ANKRD30BL: variants seen among roughly 807,000 people sequenced by gnomAD.
ANKRD30BL encodes putative ankyrin repeat domain-containing protein 30B-like.
In ANKRD30BL, 20 loss-of-function variants were observed where a neutral mutation model predicts 18.4. That is an observed-to-expected ratio of 1.09 (90% confidence interval 0.77 to 1.58). The LOEUF (loss-of-function observed/expected upper bound fraction) is 1.58, where lower values mean the gene tolerates loss of function less well. ANKRD30BL is among the 40% of genes most tolerant of loss of function. ANKRD30BL has a pLI of 0.00. For synonymous variants in ANKRD30BL, 72 were observed against 100.9 expected (o/e 0.71, Z 1.72); for missense variants, 224 against 268.6 (o/e 0.83, Z 1.16).
intron 1 of ANKRD30BL, among the ~76,000 whole-genome samples, chr2:132,187,401 G>A (rs1431318514): frequency 2.6e-5 from 4 of 151,762 alleles, no homozygotes; most frequent in Admixed American, 2.6e-4. Flanking sequence ...AGCCATGTTG[G>A]CCGGGCTTCC....
At chr2:132,202,182 C>T (rs1328865692) in intron 1 of ANKRD30BL, among the ~76,000 whole-genome samples, 1 of 151,556 alleles carries the variant, frequency 6.6e-6, no homozygotes, top group Non-Finnish European at 1.5e-5. Context: ...TGGGAGTATA[C>T]CTAATGCTAG....
chr2:132,256,330 G>A (rs910512460), intron 1 of ANKRD30BL, among the ~76,000 whole-genome samples: 4 of 142,604 alleles, frequency 2.8e-5, no homozygotes, highest in Non-Finnish European at 6.2e-5. Flanking sequence ...GTGGTGGGGC[G>A]GCGAACCGGA....
intron 1 of ANKRD30BL, among the ~76,000 whole-genome samples, chr2:132,171,632 T>C (rs1688282514): frequency 6.6e-6 from 1 of 152,252 alleles, no homozygotes; most frequent in South Asian, 2.1e-4. Context: ...ATAAGTTTAA[T>C]AAAGTTTAAA....
chr2:132,194,440 G>A (rs1391201860), intron 1 of ANKRD30BL, among the ~76,000 whole-genome samples: 1 of 152,236 alleles, frequency 6.6e-6, no homozygotes, highest in Non-Finnish European at 1.5e-5. Context: ...CACTTGTGCA[G>A]CAGTCATGTT....
At chr2:132,198,435 T>C (rs1679021649) in intron 1 of ANKRD30BL, among the ~76,000 whole-genome samples, 1 of 150,224 alleles carries the variant, frequency 6.7e-6, no homozygotes, top group Non-Finnish European at 1.5e-5. Flanking sequence ...ACCATTCTCC[T>C]GCCTCAGCTT....
At chr2:132,206,905 C>T (rs1289367238) in intron 1 of ANKRD30BL, among the ~76,000 whole-genome samples, 4 of 152,174 alleles carry the variant, frequency 2.6e-5, no homozygotes, top group East Asian at 3.9e-4. Context: ...ATTGTCATTG[C>T]TTGGCTGGAG....
rs1573821154 is a variant in ANKRD30BL, at chr2:132,181,887, A to G, written n.442-24741T>C. ...AACACTTTGGGAGGCCAAGGCAGGC[A>G]GACCACATGAGGTTGGGAGTTTGAG... On this transcript the variant is annotated intron_variant and non_coding_transcript_variant, in intron 1 of 4. Transcript: ENST00000470729. Among the ~76,000 whole-genome samples the G allele has an allele frequency of 6.6e-5, 10 of 152,256 alleles. No individual in the cohort carries two copies. The South Asian group carries it at 2.1e-3, about 32-fold the overall frequency.
chr2:132,188,374 T>C (rs1678751456), intron 1 of ANKRD30BL, among the ~76,000 whole-genome samples: 1 of 152,216 alleles, frequency 6.6e-6, no homozygotes, highest in South Asian at 2.1e-4. Context: ...CTCCATCAAT[T>C]TTCATTAGAA....
intron 1 of ANKRD30BL, among the ~76,000 whole-genome samples, chr2:132,211,578 C>T (rs1679349536): frequency 6.6e-6 from 1 of 151,918 alleles, no homozygotes; most frequent in South Asian, 2.1e-4. Flanking sequence ...CACATAACAA[C>T]TAGACAGACG....
At chr2:132,243,444 G>T (rs1680392082) in intron 1 of ANKRD30BL, among the ~76,000 whole-genome samples, 2 of 151,618 alleles carry the variant, frequency 1.3e-5, no homozygotes, top group South Asian at 2.1e-4. Context: ...TGTGATGTGT[G>T]TACTCAAGTG....
At chr2:132,216,104 AG>A (rs1427913811) in intron 1 of ANKRD30BL, among the ~76,000 whole-genome samples, 1 of 152,038 alleles carries the variant, frequency 6.6e-6, no homozygotes, top group African/African-American at 2.4e-5. Context: ...TTGATTGAGC[AG>A]TTTTGAAACA....
intron 1 of ANKRD30BL, among the ~76,000 whole-genome samples, chr2:132,234,740 C>G (rs1473612155): frequency 1.3e-5 from 2 of 152,048 alleles, no homozygotes; most frequent in East Asian, 3.8e-4. Context: ...GATTCACAGC[C>G]GAATTCTACC....
At chr2:132,229,051 G>T (rs1484761212) in intron 1 of ANKRD30BL, among the ~76,000 whole-genome samples, 1 of 151,918 alleles carries the variant, frequency 6.6e-6, no homozygotes, top group Non-Finnish European at 1.5e-5. Context: ...CTCCCTTTTT[G>T]TATAATCTCT....
chr2:132,254,240 T>C (rs1436580084), intron 1 of ANKRD30BL, among the ~76,000 whole-genome samples: 3 of 151,848 alleles, frequency 2.0e-5, no homozygotes, highest in Non-Finnish European at 2.9e-5. Context: ...GGTGGGGCCA[T>C]GCAACGAACA....
chr2:132,164,529 G>A (rs545380222), upstream of ANKRD30BL, among the ~76,000 whole-genome samples: 123 of 151,858 alleles, frequency 8.1e-4, no homozygotes, highest in Admixed American at 1.5e-3. Flanking sequence ...AGCCTCAGGT[G>A]ATCCGCCCAC....
chr2:132,237,106 C>T (rs2104789547), intron 1 of ANKRD30BL, among the ~76,000 whole-genome samples: 1 of 151,210 alleles, frequency 6.6e-6, no homozygotes, highest in East Asian at 2.0e-4. Context: ...AGGGGAACAT[C>T]ATACTCTGGG....
intron 1 of ANKRD30BL, among the ~76,000 whole-genome samples, chr2:132,185,331 C>T (rs184781697): frequency 0.011 from 1,705 of 152,294 alleles, 33 homozygotes; most frequent in African/African-American, 0.038. Flanking sequence ...AAGGCAGTCC[C>T]TACCTGACCA....
intron 1 of ANKRD30BL, among the ~76,000 whole-genome samples, chr2:132,235,621 C>G (rs1013854483): frequency 1.3e-5 from 2 of 151,950 alleles, no homozygotes; most frequent in Non-Finnish European, 2.9e-5. Flanking sequence ...CCTAGGAATC[C>G]AACTTACAAG....
intron 1 of ANKRD30BL, among the ~76,000 whole-genome samples, chr2:132,173,480 G>A (rs554437976): frequency 6.6e-6 from 1 of 151,762 alleles, no homozygotes; most frequent in African/African-American, 2.4e-5. Context: ...TGTACTTTTA[G>A]TAAAGACTGG....
Sources: gnomAD v4.1 joint callset for allele counts (sites outside exome capture counted in the v4.1 genomes callset) on GRCh38, gnomAD v4.1.1 for gene constraint, MANE v1.5 for transcripts, NCBI Gene and HGNC (gene_info 2026-07-23, HGNC 2026-07-21) for gene names.